The following RCAN2 variants were observed in gnomAD, a reference collection of about 807,000 sequenced individuals.
RCAN2 encodes regulator of calcineurin 2, also known as calcipressin-2.
Under a neutral mutation model 23.6 loss-of-function variants are expected in RCAN2, and 9 were observed. That is an observed-to-expected ratio of 0.38 (90% CI 0.23 to 0.67). RCAN2 has a LOEUF of 0.67. Ranked by LOEUF, RCAN2 falls within the 30% of genes least tolerant of loss-of-function variation. The pLI is 0.51. For synonymous variants in RCAN2, 109 were observed against 115.7 expected (o/e 0.94, Z 0.37); for missense variants, 273 against 302.3 (o/e 0.90, Z 0.72).
At chr6:46,398,240 G>T (rs1766148852) in intron 2 of RCAN2, among the ~76,000 whole-genome samples, 1 of 152,040 alleles carries the variant, frequency 6.6e-6, no homozygotes, top group South Asian at 2.1e-4. Context: ...AAATAACATT[G>T]TTTTTCTTCT....
intron 2 of RCAN2, among the ~76,000 whole-genome samples, chr6:46,416,143 CTG>C (rs1766710111): frequency 6.6e-6 from 1 of 151,872 alleles, no homozygotes; most frequent in Non-Finnish European, 1.5e-5. Flanking sequence ...TGAGGGATAA[CTG>C]TATATGAATT....
intron 2 of RCAN2, among the ~76,000 whole-genome samples, chr6:46,300,086 AG>A (rs1473008144): frequency 1.3e-5 from 2 of 151,946 alleles, no homozygotes; most frequent in Admixed American, 6.6e-5. Context: ...GTAAAGTAAA[AG>A]TAAAAGCAAA....
At chr6:46,479,297 A>G (rs1768793725) in intron 1 of RCAN2, among the ~76,000 whole-genome samples, 1 of 152,244 alleles carries the variant, frequency 6.6e-6, no homozygotes, top group Non-Finnish European at 1.5e-5. Context: ...ATTTTGACTT[A>G]CATGGCTTTT....
chr6:46,331,567 T>TGA (rs1191637662), intron 2 of RCAN2, among the ~76,000 whole-genome samples: 1 of 152,210 alleles, frequency 6.6e-6, no homozygotes, highest in Non-Finnish European at 1.5e-5. Flanking sequence ...CCTTATGGTA[T>TGA]GACAAGATGT....
At chr6:46,312,650 T>G (rs1763301748) in intron 2 of RCAN2, among the ~76,000 whole-genome samples, 1 of 152,192 alleles carries the variant, frequency 6.6e-6, no homozygotes, top group Admixed American at 6.5e-5. Context: ...AATGGCAACT[T>G]AATCATATCC....
intron 4 of RCAN2, among the ~76,000 whole-genome samples, chr6:46,245,515 G>GT (rs1766482153): frequency 6.6e-6 from 1 of 152,094 alleles, no homozygotes; most frequent in African/African-American, 2.4e-5. Context: ...AATTCCTAGG[G>GT]TTCTCAGGTT....
Position 46,372,570 on chromosome 6 carries a change from G to A in RCAN2, c.225+84182C>T, listed in dbSNP as rs116640161. ...TACTGCAAAGTCAGAAATTCTAAAG[G>A]ATTCCTTTTCCTAGGCAATATCTCT... On this transcript the variant is annotated intron_variant, in intron 2 of 4. Coordinates refer to ENST00000371374, the MANE Select transcript of RCAN2 (RefSeq NM_001251974.2). Among the ~76,000 whole-genome samples the A allele has an allele frequency of 8.0e-3, 1,218 of 152,224 alleles. 15 individuals are homozygous for A. The highest frequency in any genetic ancestry group is 0.013 in the Non-Finnish European group (858 of 68,010).
intron 1 of RCAN2, among the ~76,000 whole-genome samples, chr6:46,472,820 A>G (rs1554787): frequency 0.081 from 12,293 of 152,262 alleles, 755 homozygotes; most frequent in Admixed American, 0.18. Context: ...CTTGGAGGAC[A>G]TACCAACTGA....
At chr6:46,428,879 C>G (rs1355212170) in intron 2 of RCAN2, among the ~76,000 whole-genome samples, 1 of 152,226 alleles carries the variant, frequency 6.6e-6, no homozygotes, top group Non-Finnish European at 1.5e-5. Context: ...GATATCTTCT[C>G]TCTATTCTCT....
chr6:46,405,847 C>T (rs1262509964), intron 2 of RCAN2, among the ~76,000 whole-genome samples: 2 of 152,218 alleles, frequency 1.3e-5, no homozygotes, highest in African/African-American at 4.8e-5. Context: ...TCGGGCCGCA[C>T]AGGAGCCCAT....
chr6:46,443,839 C>A (rs1012951614), intron 2 of RCAN2, among the ~76,000 whole-genome samples: 5 of 152,162 alleles, frequency 3.3e-5, no homozygotes, highest in Non-Finnish European at 5.9e-5. Context: ...GTTTTTGGAA[C>A]CTGCTTTCCA....
At chr6:46,404,933 A>C (rs1453433929) in intron 2 of RCAN2, among the ~76,000 whole-genome samples, 1 of 152,214 alleles carries the variant, frequency 6.6e-6, no homozygotes, top group African/African-American at 2.4e-5. Context: ...TGTAAAGATT[A>C]AACAACAGGT....
intron 2 of RCAN2, chr6:46,325,860 G>A (rs1763780308): frequency 2.0e-6 from 2 of 984,926 alleles, no homozygotes; most frequent in Non-Finnish European, 2.4e-6. Context: ...AGTCATAGCT[G>A]TTGTTGCAGC....
At chr6:46,474,369 A>G (rs1314108889) in intron 1 of RCAN2, among the ~76,000 whole-genome samples, 1 of 152,178 alleles carries the variant, frequency 6.6e-6, no homozygotes, top group East Asian at 1.9e-4. Context: ...CCATATTGTC[A>G]TGTACCTTTC....
At chr6:46,481,065 C>G (rs1000380086) in intron 1 of RCAN2, among the ~76,000 whole-genome samples, 2 of 152,134 alleles carry the variant, frequency 1.3e-5, no homozygotes, top group Non-Finnish European at 2.9e-5. Flanking sequence ...TGACTGAGTG[C>G]CCGCCATATG....
chr6:46,274,274 C>T (rs1767615938), intron 2 of RCAN2, among the ~76,000 whole-genome samples: 1 of 152,128 alleles, frequency 6.6e-6, no homozygotes, highest in African/African-American at 2.4e-5. Flanking sequence ...TCACTGAATC[C>T]CATTACTCTA....
At chr6:46,332,782 T>C (rs1368003480) in intron 2 of RCAN2, among the ~76,000 whole-genome samples, 1 of 152,186 alleles carries the variant, frequency 6.6e-6, no homozygotes, top group African/African-American at 2.4e-5. Context: ...TGTGCATGTG[T>C]CTTTATAGCA....
chr6:46,438,551 A>G (rs1242535868), intron 2 of RCAN2: 1 of 152,538 alleles, frequency 6.6e-6, no homozygotes, highest in African/African-American at 2.4e-5. Flanking sequence ...TAGCCATGCC[A>G]AGCGGAGGTG....
chr6:46,393,290 C>A (rs565384950), intron 2 of RCAN2, among the ~76,000 whole-genome samples: 1 of 152,122 alleles, frequency 6.6e-6, no homozygotes, highest in Non-Finnish European at 1.5e-5. Flanking sequence ...TAACTATGGG[C>A]AAATTATGTA....
Sources: gnomAD v4.1 joint callset for allele counts (sites outside exome capture counted in the v4.1 genomes callset) on GRCh38, gnomAD v4.1.1 for gene constraint, MANE v1.5 for transcripts, NCBI Gene and HGNC (gene_info 2026-07-23, HGNC 2026-07-21) for gene names.